The following RNF157 variants were observed in gnomAD, a reference collection of about 807,000 sequenced individuals.
The protein encoded by RNF157 is E3 ubiquitin ligase RNF157.
Under a neutral mutation model 88.3 loss-of-function variants are expected in RNF157, and 55 were observed. That is an observed-to-expected ratio of 0.62 (90% CI 0.50 to 0.78). The LOEUF (loss-of-function observed/expected upper bound fraction) is 0.78, where lower values mean the gene tolerates loss of function less well. Ranked by LOEUF, RNF157 falls within the 30% of genes least tolerant of loss-of-function variation. RNF157 has a pLI of 0.00. For missense variants in RNF157, 788 were observed against 860.8 expected, an observed-to-expected ratio of 0.92 and a Z score of 1.06; for synonymous variants, 334 against 341.2, an observed-to-expected ratio of 0.98 and a Z score of 0.23.
chr17:76,205,039 G>A (rs994428342), intron 2 of RNF157, among the ~76,000 whole-genome samples: 14 of 151,700 alleles, frequency 9.2e-5, no homozygotes, highest in Non-Finnish European at 1.5e-4. Flanking sequence ...CACCTGCCTC[G>A]GTGTCCCAAA....
chr17:76,217,767 A>C (rs2069913972), intron 1 of RNF157, among the ~76,000 whole-genome samples: 1 of 152,212 alleles, frequency 6.6e-6, no homozygotes, highest in Non-Finnish European at 1.5e-5. Context: ...ACGGGAAAAA[A>C]ACATATGTCA....
At chr17:76,225,138 C>T (rs1178381803) in intron 1 of RNF157, among the ~76,000 whole-genome samples, 1 of 152,016 alleles carries the variant, frequency 6.6e-6, no homozygotes, top group African/African-American at 2.4e-5. Flanking sequence ...CACTACTGCA[C>T]TCCAGCCTAG....
chr17:76,229,206 C>T (rs2070146806), intron 1 of RNF157, among the ~76,000 whole-genome samples: 1 of 152,180 alleles, frequency 6.6e-6, no homozygotes, highest in Admixed American at 6.5e-5. Flanking sequence ...TCACTTTTCA[C>T]CATACAGATG....
chr17:76,240,015 C>T lies in RNF157; in HGVS notation c.88+138G>A. On this transcript the variant is annotated intron_variant, in intron 1 of 18. Coordinates refer to ENST00000269391, the MANE Select transcript of RNF157 (RefSeq NM_052916.3). The surrounding 1 kb of genome is among the most constrained non-coding windows in gnomAD (Gnocchi z 4.4). ...GACCTCGGCCTTCTCGAAGACCTCC[C>T]GCGCTCGAAGACCGTTTCGGAGCGT... 2.8e-6 allele frequency: 1 copy of T among 354,216 alleles called. No homozygotes were observed. The highest frequency in any genetic ancestry group is 4.7e-6 in the Non-Finnish European group (1 of 211,454). 21.9% of individuals were successfully genotyped at this position (354,216 alleles called of 1,614,324 possible). A position where few individuals can be genotyped will look rare whatever the true frequency, so the allele number is the denominator to read the frequency against.
rs548908437 is a variant in RNF157, at chr17:76,187,602, A to T, written c.208-13812T>A. Among the ~76,000 whole-genome samples the T allele has an allele frequency of 4.3e-3, 634 of 148,620 alleles. 5 individuals are homozygous for T. Among genetic ancestry groups the T allele is most frequent in the African/African-American group, 0.011 (447 of 40,376 alleles). ...ATAGTTTTATTTTATTTATTTATTT[A>T]TTTTTTTCTGAGACAGGTTCTCACT... On this transcript the variant is annotated intron_variant, in intron 2 of 18. Coordinates refer to ENST00000269391, the MANE Select transcript of RNF157 (RefSeq NM_052916.3).
At chr17:76,168,423 A>G (rs937779265) in intron 3 of RNF157, among the ~76,000 whole-genome samples, 1 of 144,550 alleles carries the variant, frequency 6.9e-6, no homozygotes, top group Non-Finnish European at 1.5e-5. Context: ...CTTAGTGCTC[A>G]TCCTATTTTT....
At chr17:76,221,136 G>A (rs1419965485) in intron 1 of RNF157, among the ~76,000 whole-genome samples, 1 of 151,916 alleles carries the variant, frequency 6.6e-6, no homozygotes, top group Non-Finnish European at 1.5e-5. Flanking sequence ...AGAAAAGGTA[G>A]ATGAGGGAAA....
At chr17:76,222,338 C>T (rs1207807899) in intron 1 of RNF157, among the ~76,000 whole-genome samples, 2 of 150,194 alleles carry the variant, frequency 1.3e-5, no homozygotes, top group East Asian at 1.9e-4. Context: ...CAGAGCAAGA[C>T]CCCGTCTCAA....
chr17:76,180,654 A>G lies in RNF157; in HGVS notation c.208-6864T>C, dbSNP rs535370783. ...TGCCCAGGCTGGTCTCAAACTCTTG[A>G]GTTCAAGTGATCTTCTCGCCTCAGC... On this transcript the variant is annotated intron_variant, in intron 2 of 18. Coordinates refer to ENST00000269391, the MANE Select transcript of RNF157 (RefSeq NM_052916.3). Among the ~76,000 whole-genome samples the G allele has an allele frequency of 7.2e-5, 11 of 152,232 alleles. No homozygotes were observed. The South Asian group carries it at 2.3e-3, about 32-fold the overall frequency.
At chr17:76,177,691 T>C (rs1168238259) in intron 2 of RNF157, among the ~76,000 whole-genome samples, 1 of 151,814 alleles carries the variant, frequency 6.6e-6, no homozygotes, top group Non-Finnish European at 1.5e-5. Context: ...CTGCACTTCC[T>C]CCCCTCTGAG....
intron 16 of RNF157, 176 bp from the exon 17 acceptor site, chr17:76,154,504 G>A: frequency 1.6e-6 from 1 of 617,180 alleles, no homozygotes; most frequent in South Asian, 1.9e-5. Flanking sequence ...ATCTTGCTTG[G>A]AGAGGCACCA....
At chr17:76,166,955 A>T in intron 5 of RNF157, 54 bp downstream of exon 5, 1 of 1,233,730 alleles carries the variant, frequency 8.1e-7, no homozygotes, top group Non-Finnish European at 1.1e-6. Context: ...AGTCCTAAGT[A>T]GCCCCTAGGC....
intron 2 of RNF157, among the ~76,000 whole-genome samples, chr17:76,182,451 C>CTGTGTGTGTG (rs5822121): frequency 0.022 from 3,231 of 144,070 alleles, 107 homozygotes; most frequent in African/African-American, 0.068. Context: ...CGCATTTAGT[C>CTGTGTGTGTG]TGTGTGTGTG....
intron 9 of RNF157, chr17:76,162,217 C>T: frequency 1.7e-6 from 1 of 597,570 alleles, no homozygotes. Flanking sequence ...CGAGACTAAC[C>T]ACTCGAGCTC....
chr17:76,159,681 G>GTAA, intron 11 of RNF157, 108 bp from the exon 12 acceptor site: 2 of 805,444 alleles, frequency 2.5e-6, no homozygotes, highest in Admixed American at 2.5e-5. Flanking sequence ...CTGTTCTTGG[G>GTAA]GGGGTCTGGT....
At chr17:76,218,284 G>A (rs1345605492) in intron 1 of RNF157, among the ~76,000 whole-genome samples, 1 of 152,132 alleles carries the variant, frequency 6.6e-6, no homozygotes, top group Non-Finnish European at 1.5e-5. Context: ...AGACAAGGGA[G>A]TAACATTCTA....
rs1258962127 is a variant in RNF157, at chr17:76,187,435, C to T, written c.208-13645G>A. ...TCCTGACCTTGTGATCCACCCACCT[C>T]AGCCACCCAAAGTGCTGGGATTACA... On this transcript the variant is annotated intron_variant, in intron 2 of 18. Transcript: ENST00000269391. 2.6e-5 allele frequency among the ~76,000 whole-genome samples: 4 copies of T among 152,108 alleles called. No homozygotes were observed. The East Asian group carries it at 7.7e-4, about 29-fold the overall frequency.
chr17:76,153,994 TAG>T (rs2068722353), intron 17 of RNF157: 3 of 368,622 alleles, frequency 8.1e-6, no homozygotes, highest in South Asian at 8.0e-5. Flanking sequence ...GGGAGCTGCT[TAG>T]AGAGCTTCCG....
At chr17:76,226,594 G>A (rs571550154) in intron 1 of RNF157, 2 of 1,613,442 alleles carry the variant, frequency 1.2e-6, no homozygotes, top group Admixed American at 1.7e-5. Flanking sequence ...TGCTGTTGTT[G>A]GAGGGACTGA....
Sources: allele counts gnomAD v4.1 joint callset (sites outside exome capture counted in the v4.1 genomes callset), GRCh38; gene constraint gnomAD v4.1.1; non-coding constraint Gnocchi (gnomAD v3.1); transcripts MANE v1.5; gene names NCBI Gene and HGNC (gene_info 2026-07-23, HGNC 2026-07-21).